Variants in HIP1 observed in about 807,000 individuals in gnomAD.
The protein encoded by HIP1 is huntingtin-interacting protein 1.
Under a neutral mutation model 147.6 loss-of-function variants are expected in HIP1, and 65 were observed. The ratio of observed to expected loss-of-function variants is 0.44; its 90% CI spans 0.36 to 0.54. HIP1 has a LOEUF of 0.54. Ranked by LOEUF, HIP1 falls within the 20% of genes least tolerant of loss-of-function variation. The probability of loss-of-function intolerance (pLI) is 0.00; values close to 1 mark genes in which losing one functional copy is unlikely to be tolerated. For synonymous variants in HIP1, 479 were observed against 504.0 expected, an observed-to-expected ratio of 0.95 and a Z score of 0.67; for missense variants, 1,061 against 1,299.6, an observed-to-expected ratio of 0.82 and a Z score of 2.82.
At chr7:75,563,502 G>T (rs1795301888) in intron 9 of HIP1, 7 of 528,488 alleles carry the variant, frequency 1.3e-5, no homozygotes, top group Middle Eastern at 5.1e-4. Context: ...TGGAAGAGTA[G>T]ATAATCAAAA....
Position 75,712,785 on chromosome 7 carries a change from TTCAC to T in HIP1, c.120+26012_120+26015del, listed in dbSNP as rs371882318. On this transcript the variant is annotated intron_variant, in intron 1 of 30. Coordinates refer to ENST00000336926, the MANE Select transcript of HIP1 (RefSeq NM_005338.7). The stretch of plus-strand genomic sequence containing the variant: ...ATTCACTCTCTCATTTACTCATTCA[TTCAC>T]TCACTCATTCATTCACTCACTCATT... 3.8e-4 allele frequency among the ~76,000 whole-genome samples: 58 copies of T among 152,016 alleles called. 1 individual carries two copies. Among genetic ancestry groups the T allele is most frequent in the Middle Eastern group, 6.8e-3 (2 of 294 alleles).
At chr7:75,702,218 C>T (rs971705577) in intron 1 of HIP1, among the ~76,000 whole-genome samples, 4 of 151,950 alleles carry the variant, frequency 2.6e-5, no homozygotes, top group African/African-American at 9.7e-5. Flanking sequence ...TCAAGCGATT[C>T]TCCTGCCTCA....
chr7:75,678,340 CTT>C (rs782045169), intron 1 of HIP1, among the ~76,000 whole-genome samples: 5 of 86,300 alleles, frequency 5.8e-5, no homozygotes, highest in Admixed American at 1.4e-4. Flanking sequence ...TTCCTTTATT[CTT>C]TTTTTTTTTT....
At chr7:75,628,288 A>G (rs1304177424) in intron 1 of HIP1, among the ~76,000 whole-genome samples, 3 of 152,080 alleles carry the variant, frequency 2.0e-5, no homozygotes, top group African/African-American at 7.2e-5. Context: ...CACTCTATAA[A>G]TCTTTTCTGA....
At chr7:75,642,057 T>C (rs1455931275) in intron 1 of HIP1, among the ~76,000 whole-genome samples, 1 of 151,892 alleles carries the variant, frequency 6.6e-6, no homozygotes, top group African/African-American at 2.4e-5. Flanking sequence ...CCTATACACA[T>C]CTAATTGTGA....
At chr7:75,554,370 C>A (rs587601213) in intron 20 of HIP1, 70 bp downstream of exon 20, 2 of 1,378,260 alleles carry the variant, frequency 1.5e-6, no homozygotes, top group African/African-American at 2.9e-5. Flanking sequence ...TCACTATCCC[C>A]GCATTCAGGT....
At chr7:75,729,973 G>T (rs182991585) in intron 1 of HIP1, among the ~76,000 whole-genome samples, 2 of 152,236 alleles carry the variant, frequency 1.3e-5, no homozygotes, top group Admixed American at 1.3e-4. Context: ...TCAACAGAAT[G>T]CGGCTGTGAG....
intron 1 of HIP1, among the ~76,000 whole-genome samples, chr7:75,695,479 C>T (rs915598101): frequency 1.3e-5 from 2 of 152,196 alleles, no homozygotes; most frequent in African/African-American, 4.8e-5. Flanking sequence ...GTCAGCTTCT[C>T]CAGCCCACTC....
chr7:75,663,947 T>TATGTGTGTATATACACAC, intron 1 of HIP1, among the ~76,000 whole-genome samples: 1 of 104,448 alleles, frequency 9.6e-6, no homozygotes, highest in South Asian at 3.3e-4. Flanking sequence ...TATATATATA[T>TATGTGTGTATATACACAC]ACACATATAT....
rs1795500727 is a variant in HIP1 at position 75,568,667 on chromosome 7, G to A, written c.746-411C>T. On this transcript the variant is annotated intron_variant, in intron 8 of 30. Coordinates refer to ENST00000336926, the MANE Select transcript of HIP1 (RefSeq NM_005338.7). This position sits in a 1 kb window ranked among gnomAD's most constrained non-coding sequence, Gnocchi z 4.1. ...GCTCAGGGCTGATATTAGTCTGGAA[G>A]AGATCCGCAGAACCTGCCCAAGAGG... 6.6e-6 allele frequency among the ~76,000 whole-genome samples: 1 copy of A among 152,200 alleles called. No homozygotes were observed. The highest frequency in any genetic ancestry group is 2.4e-5 in the African/African-American group (1 of 41,450).
At position 75,738,929 on chromosome 7, in the gene HIP1, G is replaced by T; in HGVS notation, c.-9C>A. ...CTGGCCATCCGATCCATGTCGCCGC[G>T]AGGAGCCGAGTCAGGGGCCCTCGGC... On this transcript the variant is annotated 5_prime_UTR_variant, in exon 1 of 31. Transcript: ENST00000336926. 2 of 1,539,760 alleles carry T rather than the reference G, an allele frequency of 1.3e-6. No homozygotes were observed. The highest frequency in any genetic ancestry group is 2.5e-5 in the East Asian group (1 of 39,732).
chr7:75,735,302 C>T (rs1310078968), intron 1 of HIP1, among the ~76,000 whole-genome samples: 4 of 152,134 alleles, frequency 2.6e-5, no homozygotes, highest in African/African-American at 7.2e-5. Flanking sequence ...AGGTTGAGAC[C>T]GTTTCCAGCT....
intron 1 of HIP1, among the ~76,000 whole-genome samples, chr7:75,691,704 C>T (rs1228655310): frequency 1.3e-5 from 2 of 152,178 alleles, no homozygotes; most frequent in Admixed American, 6.6e-5. Flanking sequence ...AGAAGAATTG[C>T]TTGAACCCGG....
intron 1 of HIP1, among the ~76,000 whole-genome samples, chr7:75,686,335 AT>A (rs1262891602): frequency 3.9e-5 from 6 of 151,978 alleles, no homozygotes; most frequent in South Asian, 4.2e-4. Context: ...ATTCTCTCGT[AT>A]TTTTTTTGAA....
intron 1 of HIP1, among the ~76,000 whole-genome samples, chr7:75,654,151 G>A (rs577667850): frequency 6.4e-4 from 97 of 152,078 alleles, no homozygotes; most frequent in African/African-American, 2.3e-3. Context: ...TCCCAGCACT[G>A]TGGGAGGCCA....
chr7:75,645,854 C>G lies in HIP1; in HGVS notation c.121-46607G>C, dbSNP rs370924374. Among the ~76,000 whole-genome samples the G allele has an allele frequency of 2.7e-3, 409 of 152,326 alleles. 4 individuals are homozygous for G. The highest frequency in any genetic ancestry group is 9.3e-3 in the African/African-American group (386 of 41,582). On this transcript the variant is annotated intron_variant, in intron 1 of 30. Coordinates refer to ENST00000336926, the MANE Select transcript of HIP1 (RefSeq NM_005338.7). ...TAACACAGAAACAGAAAACCAAATACTGCATGTTCTCCCTCATAAGTGGGA... is the reference window on the plus strand; with the variant it reads ...TAACACAGAAACAGAAAACCAAATAGTGCATGTTCTCCCTCATAAGTGGGA...
At chr7:75,634,265 A>G (rs1798344872) in intron 1 of HIP1, among the ~76,000 whole-genome samples, 1 of 151,714 alleles carries the variant, frequency 6.6e-6, no homozygotes, top group Non-Finnish European at 1.5e-5. Context: ...GTCTCTAAAA[A>G]AAAAAACCAA....
chr7:75,686,983 C>G (rs1170845295), intron 1 of HIP1, among the ~76,000 whole-genome samples: 1 of 151,860 alleles, frequency 6.6e-6, no homozygotes, highest in Non-Finnish European at 1.5e-5. Flanking sequence ...CTACTCCCAG[C>G]CTGATGAGCT....
chr7:75,614,648 G>C (rs782362609), intron 1 of HIP1, among the ~76,000 whole-genome samples: 47 of 152,046 alleles, frequency 3.1e-4, no homozygotes, highest in Admixed American at 7.2e-4. Flanking sequence ...AGTCATGTCG[G>C]TTGCACGACA....
Sources: allele counts gnomAD v4.1 joint callset (sites outside exome capture counted in the v4.1 genomes callset), GRCh38; gene constraint gnomAD v4.1.1; non-coding constraint Gnocchi (gnomAD v3.1); transcripts MANE v1.5; gene names NCBI Gene and HGNC (gene_info 2026-07-23, HGNC 2026-07-21).